CFAP95: variants seen among roughly 807,000 people sequenced by gnomAD.
The protein encoded by CFAP95 is cilia- and flagella-associated protein 95.
chr9:69,904,184 A>C, the CFAP95 span, among the ~76,000 whole-genome samples: 1 of 152,178 alleles, frequency 6.6e-6, no homozygotes, highest in African/African-American at 2.4e-5. Flanking sequence ...CAGGAAACTC[A>C]GTATCTATTA....
chr9:69,823,666 G>A, the CFAP95 span, among the ~76,000 whole-genome samples: 15 of 152,346 alleles, frequency 9.8e-5, no homozygotes, highest in Admixed American at 9.8e-4. Context: ...CTCTGTGTGA[G>A]CAACAAGGCT....
the CFAP95 span, among the ~76,000 whole-genome samples, chr9:69,835,192 G>A: frequency 1.3e-5 from 2 of 152,092 alleles, no homozygotes; most frequent in Non-Finnish European, 2.9e-5. Flanking sequence ...AATAGCTAAC[G>A]GCATGGTTGT....
chr9:69,833,222 A>G, the CFAP95 span, among the ~76,000 whole-genome samples: 1 of 152,006 alleles, frequency 6.6e-6, no homozygotes, highest in Non-Finnish European at 1.5e-5. Context: ...CCACTAATTG[A>G]TTTTCTGCCT....
the CFAP95 span, among the ~76,000 whole-genome samples, chr9:69,901,144 T>TG: frequency 1.3e-5 from 2 of 149,166 alleles, no homozygotes; most frequent in African/African-American, 4.9e-5. Context: ...TGGTTTTGGT[T>TG]TTTTTTTTTT....
At chr9:69,848,433 C>T in the CFAP95 span, among the ~76,000 whole-genome samples, 1 of 152,212 alleles carries the variant, frequency 6.6e-6, no homozygotes, top group Non-Finnish European at 1.5e-5. Flanking sequence ...CATCTTCTAT[C>T]ATGGGACATG....
At chr9:69,883,598 A>T in the CFAP95 span, among the ~76,000 whole-genome samples, 1 of 152,078 alleles carries the variant, frequency 6.6e-6, no homozygotes, top group Admixed American at 6.6e-5. Context: ...GGATTTCCTC[A>T]TGGTTCAGTC....
chr9:69,901,550 C>T, the CFAP95 span, among the ~76,000 whole-genome samples: 8 of 150,698 alleles, frequency 5.3e-5, no homozygotes, highest in East Asian at 3.9e-4. Flanking sequence ...TAGTGTTCCA[C>T]GGTGTATATG....
At chr9:69,888,437 T>C in the CFAP95 span, among the ~76,000 whole-genome samples, 2 of 151,926 alleles carry the variant, frequency 1.3e-5, no homozygotes, top group East Asian at 3.9e-4. Context: ...GCAAAGGAAA[T>C]AATATATGGG....
chr9:69,842,361 G>A, the CFAP95 span, among the ~76,000 whole-genome samples: 5 of 152,098 alleles, frequency 3.3e-5, no homozygotes, highest in African/African-American at 1.2e-4. Flanking sequence ...TGGCATTGTG[G>A]CACCACACAA....
chr9:69,861,316 C>T, the CFAP95 span, among the ~76,000 whole-genome samples: 48 of 152,274 alleles, frequency 3.2e-4, 1 homozygote, highest in African/African-American at 1.1e-3. Context: ...TTAGCCTCTC[C>T]TTTTGGGCTG....
the CFAP95 span, among the ~76,000 whole-genome samples, chr9:69,822,200 A>G: frequency 6.6e-6 from 1 of 152,200 alleles, no homozygotes; most frequent in Admixed American, 6.5e-5. Context: ...AAAGAAATGA[A>G]AAGAAGTCAC....
At chr9:69,882,940 A>G in the CFAP95 span, among the ~76,000 whole-genome samples, 47 of 152,164 alleles carry the variant, frequency 3.1e-4, no homozygotes, top group African/African-American at 1.1e-3. Flanking sequence ...CTGGTTTTGG[A>G]ATCAGGGTAA....
the CFAP95 span, among the ~76,000 whole-genome samples, chr9:69,879,915 G>T: frequency 2.2e-4 from 34 of 152,000 alleles, no homozygotes; most frequent in Admixed American, 6.5e-4. Flanking sequence ...AGTTGATAAA[G>T]GGGCATCTAT....
chr9:69,873,966 C>T, the CFAP95 span, among the ~76,000 whole-genome samples: 4 of 152,190 alleles, frequency 2.6e-5, no homozygotes, highest in South Asian at 2.1e-4. Flanking sequence ...TCTTATCTTA[C>T]GAAACATCTT....
the CFAP95 span, among the ~76,000 whole-genome samples, chr9:69,895,369 C>CTCTCTCTCTCTGTGTGTGTG: frequency 1.0e-4 from 11 of 107,918 alleles, no homozygotes; most frequent in South Asian, 2.8e-3. Context: ...CTCTCTCTCT[C>CTCTCTCTCTCTGTGTGTGTG]TGTGTGTGTG....
chr9:69,821,404 C>G, the CFAP95 span, among the ~76,000 whole-genome samples: 1 of 151,946 alleles, frequency 6.6e-6, no homozygotes, highest in Non-Finnish European at 1.5e-5. Context: ...GCCAAATCCC[C>G]GCCACCTGAG....
the CFAP95 span, among the ~76,000 whole-genome samples, chr9:69,882,099 C>T: frequency 6.6e-6 from 1 of 151,918 alleles, no homozygotes; most frequent in Non-Finnish European, 1.5e-5. Context: ...TCTCCTGCCT[C>T]AGCCACCTGA....
chr9:69,881,735 A>G, the CFAP95 span, among the ~76,000 whole-genome samples: 1 of 152,088 alleles, frequency 6.6e-6, no homozygotes, highest in Non-Finnish European at 1.5e-5. Flanking sequence ...GTTGCATTGA[A>G]TCTGTAGATT....
chr9:69,883,789 T>C, the CFAP95 span, among the ~76,000 whole-genome samples: 1 of 151,588 alleles, frequency 6.6e-6, no homozygotes, highest in African/African-American at 2.4e-5. Context: ...TGTCTTAGTC[T>C]GGCTAAAGGT....
Sources: allele counts gnomAD v4.1 joint callset (sites outside exome capture counted in the v4.1 genomes callset), GRCh38; gene constraint gnomAD v4.1.1; transcripts MANE v1.5; gene names NCBI Gene and HGNC (gene_info 2026-07-23, HGNC 2026-07-21).